The following NET1 variants were observed in gnomAD, a reference collection of about 807,000 sequenced individuals.
NET1 encodes neuroepithelial cell-transforming gene 1 protein.
NET1 carries 42 observed loss-of-function variants against 61.1 expected under a neutral mutation model. That is an observed-to-expected ratio of 0.69 (90% CI 0.54 to 0.89). The LOEUF (loss-of-function observed/expected upper bound fraction) is 0.89. NET1 is among the 40% of genes least tolerant of loss of function. The pLI is 0.00. For missense variants in NET1, 654 were observed against 747.3 expected (o/e 0.88, Z 1.46); for synonymous variants, 254 against 281.8 (o/e 0.90, Z 0.99).
rs923433358 is a variant in NET1, at chr10:5,458,578, A to C, written c.*1584A>C. The stretch of plus-strand genomic sequence containing the variant: ...AAAAGTTAGTAAAAATTGTAGTTCA[A>C]CCTTTGAAATCATTGATGAATCAGC... On this transcript the variant is annotated 3_prime_UTR_variant, in exon 12 of 12. Coordinates refer to ENST00000355029, the MANE Select transcript of NET1 (RefSeq NM_001047160.3). This position sits in a 1 kb window ranked among gnomAD's most constrained non-coding sequence, Gnocchi z 4.5. The C allele has an allele frequency of 1.3e-5, 2 of 152,576 alleles. No individual in the cohort carries two copies. Among genetic ancestry groups the C allele is most frequent in the Admixed American group, 1.3e-4 (2 of 15,278 alleles). 9.5% of individuals were successfully genotyped at this position (152,576 alleles called of 1,614,324 possible). A position where few individuals can be genotyped will look rare whatever the true frequency, so the allele number is the denominator to read the frequency against.
Position 5,457,762 on chromosome 10 carries a change from T to G in NET1, c.*768T>G, listed in dbSNP as rs1357580713. Reference sequence around the variant, plus strand: ...TATATATTTTTAAATCACATTAATTTTACCAAGTGAAACCAAGCCATACTG... The same window carrying G: ...TATATATTTTTAAATCACATTAATTGTACCAAGTGAAACCAAGCCATACTG... On this transcript the variant is annotated 3_prime_UTR_variant, in exon 12 of 12. Coordinates refer to ENST00000355029, the MANE Select transcript of NET1 (RefSeq NM_001047160.3). This position sits in a 1 kb window ranked among gnomAD's most constrained non-coding sequence, Gnocchi z 5.4. 1 of 152,490 alleles carries G rather than the reference T, an allele frequency of 6.6e-6. No homozygotes were observed. Among genetic ancestry groups the G allele is most frequent in the Non-Finnish European group, 1.5e-5 (1 of 67,990 alleles). 9.4% of individuals were successfully genotyped at this position (152,490 alleles called of 1,614,324 possible). A position where few individuals can be genotyped will look rare whatever the true frequency, so the allele number is the denominator to read the frequency against.
rs55784274 is a variant in NET1, at chr10:5,415,440, C to CTTTTTT, written c.128+2627_128+2632dup. On this transcript the variant is annotated intron_variant, in intron 1 of 11. Transcript: ENST00000355029. This position sits in a 1 kb window ranked among gnomAD's most constrained non-coding sequence, Gnocchi z 4.7. The stretch of plus-strand genomic sequence containing the variant: ...CATTTTTGGTGGGCCATCCTTTGCT[C>CTTTTTT]TTTTTTTTTTTTCTTTTGAGACGGA... Among the ~76,000 whole-genome samples the CTTTTTT allele has an allele frequency of 3.4e-5, 5 of 145,250 alleles. No individual in the cohort carries two copies. Among genetic ancestry groups the CTTTTTT allele is most frequent in the Non-Finnish European group, 3.0e-5 (2 of 66,952 alleles).
chr10:5,424,308 A>G lies in NET1; in HGVS notation c.129-2347A>G, dbSNP rs966356636. Among the ~76,000 whole-genome samples, 2 of 152,218 alleles carry G rather than the reference A, an allele frequency of 1.3e-5. No individual in the cohort carries two copies. The highest frequency in any genetic ancestry group is 2.9e-5 in the Non-Finnish European group (2 of 68,040). On this transcript the variant is annotated intron_variant, in intron 1 of 11. Transcript: ENST00000355029. This position sits in a 1 kb window ranked among gnomAD's most constrained non-coding sequence, Gnocchi z 6.1. ...TGATGGCTCCTGCTAACCATGTAGC[A>G]TACAGTAGCACCTAATACACTAAGA...
rs1371812261 is a variant in NET1, at chr10:5,439,085, T to G, written c.255+9856T>G. Among the ~76,000 whole-genome samples the G allele has an allele frequency of 1.3e-5, 2 of 152,214 alleles. No homozygotes were observed. The highest frequency in any genetic ancestry group is 2.9e-5 in the Non-Finnish European group (2 of 68,032). The stretch of plus-strand genomic sequence containing the variant: ...TCTTCTCCAAAATTGATTTCTACCT[T>G]TTCAATCTTGGTTCCTTCCAAGCTC... On this transcript the variant is annotated intron_variant, in intron 3 of 11. Transcript: ENST00000355029. This position sits in a 1 kb window ranked among gnomAD's most constrained non-coding sequence, Gnocchi z 4.8.
Position 5,446,533 on chromosome 10 carries a change from ACCCCGCCCCCAGGGCCCGGTTGGCTGTGG to A in NET1, c.256-5286_256-5258del, listed in dbSNP as rs1373836336. The stretch of plus-strand genomic sequence containing the variant: ...GTTAACTGAAGTCACGTGGTGGTGG[ACCCCGCCCCCAGGGCCCGGTTGGCTGTGG>A]CCCCGCCCCCGAGCCCTGGGGTCGG... On this transcript the variant is annotated intron_variant, in intron 3 of 11. Coordinates refer to ENST00000355029, the MANE Select transcript of NET1 (RefSeq NM_001047160.3). The surrounding 1 kb of genome is among the most constrained non-coding windows in gnomAD (Gnocchi z 5.0). 2.2e-5 allele frequency: 25 copies of A among 1,125,962 alleles called. No individual in the cohort carries two copies. Among genetic ancestry groups the A allele is most frequent in the Middle Eastern group, 3.7e-4 (1 of 2,708 alleles). The allele number at this position is 1,125,962 out of a possible 1,614,324, so 69.7% of individuals were successfully genotyped here.
chr10:5,433,250 T>C (rs971220475), intron 3 of NET1, among the ~76,000 whole-genome samples: 1 of 152,190 alleles, frequency 6.6e-6, no homozygotes, highest in Non-Finnish European at 1.5e-5. Flanking sequence ...TTTCTAGTTT[T>C]TTTGTTTGTT....
Position 5,455,032 on chromosome 10 carries a change from T to C in NET1, c.1111T>C (p.Tyr371His). 6.2e-7 allele frequency: 1 copy of C among 1,613,960 alleles called. No individual in the cohort carries two copies. The highest frequency in any genetic ancestry group is 1.7e-5 in the Admixed American group (1 of 60,024). ...CCAGTATTACATCGACAAGCTGGAG[T>C]ACCTGGATGAAAAGCAGAGGGACCC... ...ECQYYIDKLE[Y>H]LDEKQRDPRI... The change falls in exon 10 of 12, where the codon TAC becomes CAC. Residue 371 changes from tyrosine (Y) to histidine (H), a missense_variant. Physicochemically the swap from Tyr to His is moderately conservative, Grantham distance 83 (BLOSUM62 2). Coordinates refer to ENST00000355029, the MANE Select transcript of NET1 (RefSeq NM_001047160.3). This position sits in a 1 kb window ranked among gnomAD's most constrained non-coding sequence, Gnocchi z 6.5.
rs754857685 is a variant in NET1, at chr10:5,451,873, C to G, written c.299C>G (p.Ser100Cys). 1 of 1,613,958 alleles carries G rather than the reference C, an allele frequency of 6.2e-7. No homozygotes were observed. Among genetic ancestry groups the G allele is most frequent in the South Asian group, 1.1e-5 (1 of 91,068 alleles). ...GTTCGACCTCTGGCTCGTGTCACGT[C>G]CTTGGCAAATTTAATCTCTCCTGTA... is the stretch of plus-strand genomic sequence containing the variant. The part of the protein sequence containing the change: ...KRVRPLARVT[S>C]LANLISPVRN... The change falls in exon 4 of 12, where the codon TCC becomes TGC. Residue 100 changes from serine (S) to cysteine (C), a missense_variant. Transcript: ENST00000355029. The surrounding 1 kb of genome is among the most constrained non-coding windows in gnomAD (Gnocchi z 6.1).
chr10:5,456,696 C>T lies in NET1; in HGVS notation c.1493C>T (p.Ala498Val), dbSNP rs147838790. 1.8e-5 allele frequency: 29 copies of T among 1,613,972 alleles called. No individual in the cohort carries two copies. Among genetic ancestry groups the T allele is most frequent in the African/African-American group, 1.7e-4 (13 of 74,898 alleles). The change falls in exon 12 of 12, where the codon GCG (alanine) becomes GTG (valine). Residue 498 changes from alanine to valine, a missense_variant. By Grantham distance (64) the Ala-to-Val change is moderately conservative (BLOSUM62 0). Coordinates refer to ENST00000355029, the MANE Select transcript of NET1 (RefSeq NM_001047160.3). The surrounding 1 kb of genome is among the most constrained non-coding windows in gnomAD (Gnocchi z 7.0). ...HKQQWFNCIR[A>V]AIAPFQSAGS... ...CAGCAGTGGTTCAACTGTATTCGAGCGGCCATTGCCCCCTTCCAGTCGGCA... is the reference window on the plus strand; with the variant it reads ...CAGCAGTGGTTCAACTGTATTCGAGTGGCCATTGCCCCCTTCCAGTCGGCA...
At position 5,443,784 on chromosome 10, in the gene NET1, C is replaced by T. The variant is rs1421882104; in HGVS notation, c.256-8046C>T. The stretch of plus-strand genomic sequence containing the variant: ...CTACCTTTACCTCTTGGGTCCCCAG[C>T]TGAAGGAGAGAATGAAAGATACCCC... On this transcript the variant is annotated intron_variant, in intron 3 of 11. Coordinates refer to ENST00000355029, the MANE Select transcript of NET1 (RefSeq NM_001047160.3). The surrounding 1 kb of genome is among the most constrained non-coding windows in gnomAD (Gnocchi z 4.8). 6.6e-6 allele frequency among the ~76,000 whole-genome samples: 1 copy of T among 152,190 alleles called. No homozygotes were observed. Among genetic ancestry groups the T allele is most frequent in the African/African-American group, 2.4e-5 (1 of 41,442 alleles).
At position 5,417,074 on chromosome 10, in the gene NET1, G is replaced by A. The variant is rs1156385322; in HGVS notation, c.128+4254G>A. ...AGATGGGGGAGCCAGAAGGGAAATG[G>A]TTTTGCCCTGGTGTCAGGTTGCCCG... On this transcript the variant is annotated intron_variant, in intron 1 of 11. Coordinates refer to ENST00000355029, the MANE Select transcript of NET1 (RefSeq NM_001047160.3). This position sits in a 1 kb window ranked among gnomAD's most constrained non-coding sequence, Gnocchi z 5.5. Among the ~76,000 whole-genome samples the A allele has an allele frequency of 6.6e-6, 1 of 152,196 alleles. No individual in the cohort carries two copies. Among genetic ancestry groups the A allele is most frequent in the Non-Finnish European group, 1.5e-5 (1 of 68,040 alleles).
chr10:5,446,750 G>A lies in NET1; in HGVS notation c.256-5080G>A, dbSNP rs1014824290. 1.3e-6 allele frequency: 2 copies of A among 1,596,868 alleles called. No individual in the cohort carries two copies. The highest frequency in any genetic ancestry group is 2.2e-5 in the East Asian group (1 of 44,478). ...TGTGGATTGATTGGAAAGGTTTGAGGGAGTACTTGGGAAGCATGGTGGCAC... is the reference window on the plus strand; with the variant it reads ...TGTGGATTGATTGGAAAGGTTTGAGAGAGTACTTGGGAAGCATGGTGGCAC... On this transcript the variant is annotated intron_variant, in intron 3 of 11. Transcript: ENST00000355029. The surrounding 1 kb of genome is among the most constrained non-coding windows in gnomAD (Gnocchi z 5.0).
At chr10:5,450,774 T>TA (rs1832691119) in intron 3 of NET1, among the ~76,000 whole-genome samples, 1 of 152,224 alleles carries the variant, frequency 6.6e-6, no homozygotes, top group Non-Finnish European at 1.5e-5. Context: ...TTCATTTCAG[T>TA]AACTGTGTGA....
rs945608834 is a variant in NET1, at chr10:5,431,082, A to G, written c.255+1853A>G. 1.3e-5 allele frequency among the ~76,000 whole-genome samples: 2 copies of G among 151,540 alleles called. No homozygotes were observed. The highest frequency in any genetic ancestry group is 1.5e-5 in the Non-Finnish European group (1 of 67,842). On this transcript the variant is annotated intron_variant, in intron 3 of 11. Coordinates refer to ENST00000355029, the MANE Select transcript of NET1 (RefSeq NM_001047160.3). This position sits in a 1 kb window ranked among gnomAD's most constrained non-coding sequence, Gnocchi z 4.9. The stretch of plus-strand genomic sequence containing the variant: ...GAGACGGGGTTTCACCGTGTTAGCC[A>G]GGATGGTCTCGATCTCCTGACCTCG...
Position 5,447,193 on chromosome 10 carries a change from A to G in NET1, c.256-4637A>G, listed in dbSNP as rs1482228355. Among the ~76,000 whole-genome samples the G allele has an allele frequency of 6.6e-6, 1 of 152,232 alleles. No homozygotes were observed. Among genetic ancestry groups the G allele is most frequent in the African/African-American group, 2.4e-5 (1 of 41,460 alleles). On this transcript the variant is annotated intron_variant, in intron 3 of 11. Coordinates refer to ENST00000355029, the MANE Select transcript of NET1 (RefSeq NM_001047160.3). This position sits in a 1 kb window ranked among gnomAD's most constrained non-coding sequence, Gnocchi z 4.1. Reference sequence around the variant, plus strand: ...TTGATATCATCCAGTCTTAGAAACTACCTTAATGGAGCAAGAGGAAAAGAA... The same window carrying G: ...TTGATATCATCCAGTCTTAGAAACTGCCTTAATGGAGCAAGAGGAAAAGAA...
Position 5,435,987 on chromosome 10 carries a change from T to C in NET1, c.255+6758T>C, listed in dbSNP as rs1832422364. ...GACTGTTGACTTTGTTAATGTGAAA[T>C]AACACTGGCATGAGTATACTGAGCA... On this transcript the variant is annotated intron_variant, in intron 3 of 11. Coordinates refer to ENST00000355029, the MANE Select transcript of NET1 (RefSeq NM_001047160.3). This position sits in a 1 kb window ranked among gnomAD's most constrained non-coding sequence, Gnocchi z 5.0. 6.6e-6 allele frequency among the ~76,000 whole-genome samples: 1 copy of C among 151,928 alleles called. No individual in the cohort carries two copies. Among genetic ancestry groups the C allele is most frequent in the Non-Finnish European group, 1.5e-5 (1 of 67,970 alleles).
Position 5,451,761 on chromosome 10 carries a change from T to G in NET1, c.256-69T>G. ...AAATTGTTTTGTGAGAGGGCTTTAC[T>G]TTGTCCAAGTTTGTATGAAATCATT... On this transcript the variant is annotated intron_variant, in intron 3 of 11. Coordinates refer to ENST00000355029, the MANE Select transcript of NET1 (RefSeq NM_001047160.3). This position sits in a 1 kb window ranked among gnomAD's most constrained non-coding sequence, Gnocchi z 6.1. The G allele has an allele frequency of 7.9e-7, 1 of 1,265,688 alleles. No homozygotes were observed. The highest frequency in any genetic ancestry group is 1.1e-6 in the Non-Finnish European group (1 of 892,808). The allele number at this position is 1,265,688 out of a possible 1,614,324, so 78.4% of individuals were successfully genotyped here.
intron 3 of NET1, among the ~76,000 whole-genome samples, chr10:5,445,281 CTTCCTGGCATTG>C (rs1832589296): frequency 2.0e-5 from 3 of 152,212 alleles, no homozygotes; most frequent in Admixed American, 2.0e-4. Flanking sequence ...TCTTAAACCT[CTTCCTGGCATTG>C]TTCCCAGCCG....
Position 5,453,443 on chromosome 10 carries a change from A to G in NET1, c.692-41A>G. The stretch of plus-strand genomic sequence containing the variant: ...AATGTAGTGCTGACCTATTTTTTAA[A>G]TAAACCTGTTAATGGTGTTTATGCT... On this transcript the variant is annotated intron_variant, in intron 7 of 11. Transcript: ENST00000355029. The surrounding 1 kb of genome is among the most constrained non-coding windows in gnomAD (Gnocchi z 4.9). 2 of 1,606,254 alleles carry G rather than the reference A, an allele frequency of 1.2e-6. No homozygotes were observed. Among genetic ancestry groups the G allele is most frequent in the Non-Finnish European group, 1.7e-6 (2 of 1,172,876 alleles).
Sources: allele counts gnomAD v4.1 joint callset (sites outside exome capture counted in the v4.1 genomes callset), GRCh38; gene constraint gnomAD v4.1.1; non-coding constraint Gnocchi (gnomAD v3.1); transcripts MANE v1.5; gene names NCBI Gene and HGNC (gene_info 2026-07-23, HGNC 2026-07-21).